The following UNC13A variants were observed in gnomAD, a reference collection of about 807,000 sequenced individuals.
UNC13A encodes the protein unc-13 homolog A.
A neutral mutation model predicts 219.7 loss-of-function variants in UNC13A; 61 were observed. That is an observed-to-expected ratio of 0.28 (90% CI 0.23 to 0.34). The LOEUF (loss-of-function observed/expected upper bound fraction) is 0.34. Among genes scored for constraint, UNC13A ranks in the 10% least tolerant of loss-of-function variants. UNC13A has a pLI of 1.00. For synonymous variants in UNC13A, 920 were observed against 884.6 expected (o/e 1.04, Z -0.71); for missense variants, 1,476 against 2,270.3 (o/e 0.65, Z 7.11).
intron 11 of UNC13A, among the ~76,000 whole-genome samples, chr19:17,654,593 A>G (rs2079415160): frequency 6.6e-6 from 1 of 152,200 alleles, no homozygotes; most frequent in East Asian, 1.9e-4. Flanking sequence ...GAATGAAGGA[A>G]TAAACGAATG....
intron 35 of UNC13A, 37 bp downstream of exon 35, chr19:17,624,792 G>A (rs1380053830): frequency 6.3e-7 from 1 of 1,592,066 alleles, no homozygotes; most frequent in African/African-American, 1.3e-5. Flanking sequence ...CCAGGGAGGT[G>A]GCCTAAATGT....
At chr19:17,626,417 A>C in intron 34 of UNC13A, 1 of 515,476 alleles carries the variant, frequency 1.9e-6, no homozygotes. Flanking sequence ...TTCATCCACC[A>C]TTCATTCATC....
intron 19 of UNC13A, among the ~76,000 whole-genome samples, chr19:17,643,671 C>A (rs2076994349): frequency 6.6e-6 from 1 of 152,148 alleles, no homozygotes; most frequent in Non-Finnish European, 1.5e-5. Context: ...GCTCCCTAGG[C>A]TTGAGTCTCC....
chr19:17,635,321 C>G (rs887855839), intron 26 of UNC13A, among the ~76,000 whole-genome samples: 5 of 152,134 alleles, frequency 3.3e-5, no homozygotes, highest in Non-Finnish European at 7.3e-5. Flanking sequence ...ATTAATCCAT[C>G]CATTCATCCA....
At chr19:17,633,889 C>T (rs1242706680) in intron 26 of UNC13A, among the ~76,000 whole-genome samples, 1 of 150,254 alleles carries the variant, frequency 6.7e-6, no homozygotes, top group African/African-American at 2.5e-5. Flanking sequence ...ATCTATCCAC[C>T]CATCCATCCA....
intron 37 of UNC13A, 65 bp downstream of exon 37, chr19:17,621,767 C>T (rs2076732212): frequency 6.4e-7 from 1 of 1,571,524 alleles, no homozygotes; most frequent in South Asian, 1.1e-5. Flanking sequence ...CACAGACGCA[C>T]ACACATGCAC....
chr19:17,677,896 C>G (rs1220468072), intron 1 of UNC13A, among the ~76,000 whole-genome samples: 1 of 152,200 alleles, frequency 6.6e-6, no homozygotes, highest in Admixed American at 6.5e-5. Flanking sequence ...TACCCACGTT[C>G]GTTTTGCTTG....
chr19:17,678,131 G>C (rs10413542), intron 1 of UNC13A, among the ~76,000 whole-genome samples: 17,071 of 152,164 alleles, frequency 0.11, 1,733 homozygotes, highest in African/African-American at 0.28. Context: ...CCAGTGAAGA[G>C]AGAATTCCCG....
At chr19:17,658,698 A>T (rs542683334) in intron 8 of UNC13A, among the ~76,000 whole-genome samples, 29 of 152,294 alleles carry the variant, frequency 1.9e-4, no homozygotes, top group African/African-American at 6.7e-4. Context: ...TTCAAAGTGG[A>T]CGGAACGCTC....
intron 1 of UNC13A, among the ~76,000 whole-genome samples, chr19:17,681,985 C>T (rs1246835566): frequency 6.9e-6 from 1 of 144,732 alleles, no homozygotes; most frequent in Non-Finnish European, 1.5e-5. Flanking sequence ...CGGAGTCTCA[C>T]TCTGTAGCCC....
In UNC13A at chr19:17,641,651, C is replaced by T. The variant is rs887023098; in HGVS notation, c.2473-95G>A. The T allele has an allele frequency of 1.6e-5, 20 of 1,285,436 alleles. No individual in the cohort carries two copies. The African/African-American group carries it at 3.0e-4, about 19-fold the overall frequency. 79.6% of individuals were successfully genotyped at this position (1,285,436 alleles called of 1,614,324 possible). A position where few individuals can be genotyped will look rare whatever the true frequency, so the allele number is the denominator to read the frequency against. On this transcript the variant is annotated intron_variant, in intron 20 of 43. Transcript: ENST00000519716. ...TGGGGCAGCTTACATCATCCATCTG[C>T]CTGTTTATTCATTAATTCATTCATC...
intron 28 of UNC13A, among the ~76,000 whole-genome samples, chr19:17,631,077 T>C (rs145348480): frequency 0.011 from 424 of 39,854 alleles, 2 homozygotes; most frequent in African/African-American, 0.032. Flanking sequence ...CCCTCCCTCC[T>C]TCCTTCCTTC....
intron 12 of UNC13A, among the ~76,000 whole-genome samples, chr19:17,651,520 C>G (rs1483168069): frequency 6.6e-6 from 1 of 152,234 alleles, no homozygotes; most frequent in Admixed American, 6.5e-5. Flanking sequence ...GCCACCAAGC[C>G]TGGCCCCGAA....
intron 42 of UNC13A, 102 bp from the exon 43 acceptor site, chr19:17,610,201 C>A: frequency 6.6e-7 from 1 of 1,515,844 alleles, no homozygotes; most frequent in South Asian, 1.2e-5. Context: ...CGCAGTGGCT[C>A]ACGCTTGTAA....
chr19:17,632,556 A>G (rs2076867842), intron 28 of UNC13A, among the ~76,000 whole-genome samples: 1 of 151,092 alleles, frequency 6.6e-6, no homozygotes, highest in East Asian at 2.0e-4. Context: ...AATTGTCAAA[A>G]GGATAAAATG....
intron 1 of UNC13A, among the ~76,000 whole-genome samples, chr19:17,676,468 T>C (rs1276471675): frequency 6.6e-6 from 1 of 152,090 alleles, no homozygotes; most frequent in Non-Finnish European, 1.5e-5. Context: ...GCTGGGCAGA[T>C]GGTGGGAGAG....
In UNC13A at chr19:17,611,812, A is replaced by G; in HGVS notation, c.4602T>C (p.Val1534=). The G allele has an allele frequency of 6.2e-7, 1 of 1,613,918 alleles. No individual in the cohort carries two copies. The highest frequency in any genetic ancestry group is 1.1e-5 in the South Asian group (1 of 91,078). Reference sequence around the variant, plus strand: ...CAGTTCCTGGATGAGTGAACAGCTCAACATGGACAGAGACTTCACCCACAG... The same window carrying G: ...CAGTTCCTGGATGAGTGAACAGCTCGACATGGACAGAGACTTCACCCACAG... The part of the protein sequence containing the change: ...EDPVGEVSVH[V]ELFTHPGTGE... The change falls in exon 42 of 44, where the codon GTT becomes GTC. Residue 1534 remains valine (V), a synonymous_variant. Transcript: ENST00000519716.
intron 36 of UNC13A, 33 bp from the exon 37 acceptor site, chr19:17,621,903 G>A: frequency 6.2e-7 from 1 of 1,613,262 alleles, no homozygotes; most frequent in Non-Finnish European, 8.5e-7. Flanking sequence ...TGATCAACCT[G>A]GCAAGTCGTG....
intron 35 of UNC13A, among the ~76,000 whole-genome samples, chr19:17,624,236 C>A (rs559317412): frequency 6.7e-6 from 1 of 149,814 alleles, no homozygotes; most frequent in Non-Finnish European, 1.5e-5. Context: ...AAACAGTTTT[C>A]GTGCCTCAGT....
Sources: allele counts gnomAD v4.1 joint callset (sites outside exome capture counted in the v4.1 genomes callset), GRCh38; gene constraint gnomAD v4.1.1; transcripts MANE v1.5; gene names NCBI Gene and HGNC (gene_info 2026-07-23, HGNC 2026-07-21).